Variants in EIF5AL1 observed in about 807,000 individuals in gnomAD.
The protein encoded by EIF5AL1 is eukaryotic translation initiation factor 5A-1-like.
Under a neutral mutation model 9.0 loss-of-function variants are expected in EIF5AL1, and 4 were observed. The observed-to-expected ratio is 0.45, with a 90% confidence interval of 0.22 to 1.02. The LOEUF (loss-of-function observed/expected upper bound fraction) is 1.02, where lower values mean the gene tolerates loss of function less well. Among genes scored for constraint, EIF5AL1 ranks in the 50% least tolerant of loss-of-function variants. The pLI, the probability that EIF5AL1 is intolerant of heterozygous loss-of-function variation, is 0.24. For synonymous variants in EIF5AL1, 40 were observed against 75.7 expected (o/e 0.53, Z 2.45); for missense variants, 58 against 194.1 (o/e 0.30, Z 4.17).
rs1001141439 is a variant in EIF5AL1 at position 79,516,267 on chromosome 10, C to A, written c.*3153C>A. Reference sequence around the variant, plus strand: ...TTAAAAAACTTCCCCCAGTTCACATCAAAAATTCTCTCTTCAGGACTAAGT... The same window carrying A: ...TTAAAAAACTTCCCCCAGTTCACATAAAAAATTCTCTCTTCAGGACTAAGT... On this transcript the variant is annotated 3_prime_UTR_variant, in exon 1 of 1. Transcript: ENST00000520547. 3.6e-5 allele frequency: 6 copies of A among 167,058 alleles called. No individual in the cohort carries two copies. Among genetic ancestry groups the A allele is most frequent in the Non-Finnish European group, 5.9e-5 (4 of 68,112 alleles). The allele number at this position is 167,058 out of a possible 1,614,324, so 10.3% of individuals were successfully genotyped here.
In EIF5AL1 at chr10:79,516,277, C is replaced by G. The variant is rs528302009; in HGVS notation, c.*3163C>G. On this transcript the variant is annotated 3_prime_UTR_variant, in exon 1 of 1. Coordinates refer to ENST00000520547, the MANE Select transcript of EIF5AL1 (RefSeq NM_001099692.2). Reference sequence around the variant, plus strand: ...TCCCCCAGTTCACATCAAAAATTCTCTCTTCAGGACTAAGTTGGGTAGAGA... The same window carrying G: ...TCCCCCAGTTCACATCAAAAATTCTGTCTTCAGGACTAAGTTGGGTAGAGA... The G allele has an allele frequency of 6.0e-6, 1 of 167,216 alleles. No individual in the cohort carries two copies. The highest frequency in any genetic ancestry group is 6.5e-5 in the Admixed American group (1 of 15,310). 10.4% of individuals were successfully genotyped at this position (167,216 alleles called of 1,614,324 possible).
Position 79,513,221 on chromosome 10 carries a change from T to C in EIF5AL1, c.*107T>C. ...GCCTGGTCCTAGGTTGGACTCCTCC[T>C]ACACAATTTATTTGACGTTTTATTT... On this transcript the variant is annotated 3_prime_UTR_variant, in exon 1 of 1. Coordinates refer to ENST00000520547, the MANE Select transcript of EIF5AL1 (RefSeq NM_001099692.2). 1 of 1,426,086 alleles carries C rather than the reference T, an allele frequency of 7.0e-7. No individual in the cohort carries two copies. 88.3% of individuals were successfully genotyped at this position (1,426,086 alleles called of 1,614,324 possible). A position where few individuals can be genotyped will look rare whatever the true frequency, so the allele number is the denominator to read the frequency against.
rs1266440975 is a variant in EIF5AL1, at chr10:79,515,293, T to C, written c.*2179T>C. On this transcript the variant is annotated 3_prime_UTR_variant, in exon 1 of 1. Transcript: ENST00000520547. ...TAGCATACCTTCCTGTCTATGGCTA[T>C]TGGACCTGCAGGCTTTCCCCTGTAA... 16 of 275,228 alleles carry C rather than the reference T, an allele frequency of 5.8e-5. No homozygotes were observed. Among genetic ancestry groups the C allele is most frequent in the Non-Finnish European group, 1.1e-4 (14 of 132,698 alleles). 17.0% of individuals were successfully genotyped at this position (275,228 alleles called of 1,614,324 possible).
Position 79,513,318 on chromosome 10 carries a change from C to A in EIF5AL1, c.*204C>A. 3.0e-6 allele frequency: 2 copies of A among 670,040 alleles called. No homozygotes were observed. Among genetic ancestry groups the A allele is most frequent in the Non-Finnish European group, 5.2e-6 (2 of 385,792 alleles). The allele number at this position is 670,040 out of a possible 1,614,324, so 41.5% of individuals were successfully genotyped here. On this transcript the variant is annotated 3_prime_UTR_variant, in exon 1 of 1. Transcript: ENST00000520547. ...CCTAGCTCCCTTGGCCAGGAGCGAGCGAAGCCATGGCCTTGGTGAAGCTGC... is the reference window on the plus strand; with the variant it reads ...CCTAGCTCCCTTGGCCAGGAGCGAGAGAAGCCATGGCCTTGGTGAAGCTGC...
chr10:79,514,484 C>A lies in EIF5AL1; in HGVS notation c.*1370C>A, dbSNP rs1406198689. ...CACCCTGACTTTTGTAGGGACTGAACCTCACTGATAACCTCAATTGCGGAT... is the reference window on the plus strand; with the variant it reads ...CACCCTGACTTTTGTAGGGACTGAAACTCACTGATAACCTCAATTGCGGAT... On this transcript the variant is annotated 3_prime_UTR_variant, in exon 1 of 1. Transcript: ENST00000520547. 6.0e-6 allele frequency: 1 copy of A among 166,934 alleles called. No individual in the cohort carries two copies. Among genetic ancestry groups the A allele is most frequent in the Non-Finnish European group, 1.5e-5 (1 of 68,112 alleles). 10.3% of individuals were successfully genotyped at this position (166,934 alleles called of 1,614,324 possible). A position where few individuals can be genotyped will look rare whatever the true frequency, so the allele number is the denominator to read the frequency against.
At position 79,514,484 on chromosome 10, in the gene EIF5AL1, C is replaced by T. The variant is rs1406198689; in HGVS notation, c.*1370C>T. 1.2e-5 allele frequency: 2 copies of T among 166,934 alleles called. No individual in the cohort carries two copies. Among genetic ancestry groups the T allele is most frequent in the Non-Finnish European group, 2.9e-5 (2 of 68,112 alleles). The allele number at this position is 166,934 out of a possible 1,614,324, so 10.3% of individuals were successfully genotyped here. ...CACCCTGACTTTTGTAGGGACTGAA[C>T]CTCACTGATAACCTCAATTGCGGAT... On this transcript the variant is annotated 3_prime_UTR_variant, in exon 1 of 1. Coordinates refer to ENST00000520547, the MANE Select transcript of EIF5AL1 (RefSeq NM_001099692.2).
In EIF5AL1 at chr10:79,515,231, G is replaced by A; in HGVS notation, c.*2117G>A. 1 of 383,410 alleles carries A rather than the reference G, an allele frequency of 2.6e-6. No homozygotes were observed. The highest frequency in any genetic ancestry group is 2.1e-5 in the South Asian group (1 of 47,910). 23.8% of individuals were successfully genotyped at this position (383,410 alleles called of 1,614,324 possible). A position where few individuals can be genotyped will look rare whatever the true frequency, so the allele number is the denominator to read the frequency against. ...CAGAAGCTGTTCTTTCCCTTAAAAG[G>A]GCAAACTCATTTCCACACTATGGGG... On this transcript the variant is annotated 3_prime_UTR_variant, in exon 1 of 1. Transcript: ENST00000520547.
At position 79,513,299 on chromosome 10, in the gene EIF5AL1, T is replaced by G; in HGVS notation, c.*185T>G. The G allele has an allele frequency of 2.9e-6, 2 of 691,004 alleles. No homozygotes were observed. The highest frequency in any genetic ancestry group is 1.9e-5 in the South Asian group (1 of 52,876). The allele number at this position is 691,004 out of a possible 1,614,324, so 42.8% of individuals were successfully genotyped here. A position where few individuals can be genotyped will look rare whatever the true frequency, so the allele number is the denominator to read the frequency against. ...AGGGAGCCCCTGCCCTTCACCTAGC[T>G]CCCTTGGCCAGGAGCGAGCGAAGCC... On this transcript the variant is annotated 3_prime_UTR_variant, in exon 1 of 1. Transcript: ENST00000520547.
chr10:79,512,940 G>A lies in EIF5AL1; in HGVS notation c.291G>A (p.Gly97=). 1 of 1,613,926 alleles carries A rather than the reference G, an allele frequency of 6.2e-7. No homozygotes were observed. Among genetic ancestry groups the A allele is most frequent in the Non-Finnish European group, 8.5e-7 (1 of 1,179,920 alleles). ...NDFQLIGIQD[G]YLSLLQDSGE... The stretch of plus-strand genomic sequence containing the variant: ...TCCAGCTGATTGGCATCCAGGATGG[G>A]TACCTATCACTGCTCCAGGACAGCG... Residue 97 remains glycine, a synonymous_variant, in exon 1 of 1, where the codon GGG becomes GGA. Transcript: ENST00000520547.
At position 79,515,247 on chromosome 10, in the gene EIF5AL1, C is replaced by T. The variant is rs533062859; in HGVS notation, c.*2133C>T. On this transcript the variant is annotated 3_prime_UTR_variant, in exon 1 of 1. Transcript: ENST00000520547. ...CCTTAAAAGGGCAAACTCATTTCCA[C>T]ACTATGGGGACTCTGACAGATAGCA... 1.7e-4 allele frequency: 64 copies of T among 367,880 alleles called. 1 individual carries two copies. Among genetic ancestry groups the T allele is most frequent in the South Asian group, 1.4e-3 (63 of 44,694 alleles). The allele number at this position is 367,880 out of a possible 1,614,324, so 22.8% of individuals were successfully genotyped here.
rs1021313536 is a variant in EIF5AL1 at position 79,513,283 on chromosome 10, C to T, written c.*169C>T. On this transcript the variant is annotated 3_prime_UTR_variant, in exon 1 of 1. Transcript: ENST00000520547. ...ACCCCCTCAATCTGTCAGGGAGCCCCTGCCCTTCACCTAGCTCCCTTGGCC... is the reference window on the plus strand; with the variant it reads ...ACCCCCTCAATCTGTCAGGGAGCCCTTGCCCTTCACCTAGCTCCCTTGGCC... 6 of 729,084 alleles carry T rather than the reference C, an allele frequency of 8.2e-6. No individual in the cohort carries two copies. The highest frequency in any genetic ancestry group is 1.4e-5 in the Non-Finnish European group (6 of 433,276). 45.2% of individuals were successfully genotyped at this position (729,084 alleles called of 1,614,324 possible).
At position 79,513,150 on chromosome 10, in the gene EIF5AL1, C is replaced by T. The variant is rs1241089952; in HGVS notation, c.*36C>T. 3 of 1,587,712 alleles carry T rather than the reference C, an allele frequency of 1.9e-6. No individual in the cohort carries two copies. The highest frequency in any genetic ancestry group is 2.2e-5 in the East Asian group (1 of 44,818). ...AGGTGGCAGTGGTGGCAGCAGTGAT[C>T]CTCCGAACCTGCAGAGGCCCCCTCC... On this transcript the variant is annotated 3_prime_UTR_variant, in exon 1 of 1. Coordinates refer to ENST00000520547, the MANE Select transcript of EIF5AL1 (RefSeq NM_001099692.2).
rs1433425399 is a variant in EIF5AL1 at position 79,514,655 on chromosome 10, A to T, written c.*1541A>T. On this transcript the variant is annotated 3_prime_UTR_variant, in exon 1 of 1. Transcript: ENST00000520547. ...GAGTGTCTTACATTTAGCCAAAAAG[A>T]CTAGTCATGTGGCAGGAAAAATACA... is the stretch of plus-strand genomic sequence containing the variant. 1.8e-5 allele frequency: 3 copies of T among 167,140 alleles called. No individual in the cohort carries two copies. The highest frequency in any genetic ancestry group is 1.3e-4 in the Admixed American group (2 of 15,292). 10.4% of individuals were successfully genotyped at this position (167,140 alleles called of 1,614,324 possible). A position where few individuals can be genotyped will look rare whatever the true frequency, so the allele number is the denominator to read the frequency against.
rs1471909808 is a variant in EIF5AL1 at position 79,513,979 on chromosome 10, A to G, written c.*865A>G. On this transcript the variant is annotated 3_prime_UTR_variant, in exon 1 of 1. Coordinates refer to ENST00000520547, the MANE Select transcript of EIF5AL1 (RefSeq NM_001099692.2). The stretch of plus-strand genomic sequence containing the variant: ...CCTAAAGGAGTTCACAGTTTAACGC[A>G]AATGAGAAGCCAGTGAGGACATCAC... 1.2e-5 allele frequency: 2 copies of G among 167,020 alleles called. No homozygotes were observed. The highest frequency in any genetic ancestry group is 4.8e-5 in the African/African-American group (2 of 41,440). 10.3% of individuals were successfully genotyped at this position (167,020 alleles called of 1,614,324 possible). A position where few individuals can be genotyped will look rare whatever the true frequency, so the allele number is the denominator to read the frequency against.
rs1274618375 is a variant in EIF5AL1 at position 79,513,896 on chromosome 10, A to G, written c.*782A>G. ...GCACACGCTGTCTGGAGTGGCCTGA[A>G]GCAAGGAGTGTCTTGTGAGGTGCAG... On this transcript the variant is annotated 3_prime_UTR_variant, in exon 1 of 1. Coordinates refer to ENST00000520547, the MANE Select transcript of EIF5AL1 (RefSeq NM_001099692.2). 1 of 167,274 alleles carries G rather than the reference A, an allele frequency of 6.0e-6. No individual in the cohort carries two copies. Among genetic ancestry groups the G allele is most frequent in the Admixed American group, 6.5e-5 (1 of 15,282 alleles). 10.4% of individuals were successfully genotyped at this position (167,274 alleles called of 1,614,324 possible).
At position 79,512,544 on chromosome 10, in the gene EIF5AL1, C is replaced by A. The variant is rs907178398; in HGVS notation, c.-106C>A. ...GTGTAAAATGCCTGGGTAGAGGCGGCGGCGGCGGCGGCGGCGGCGGGCTCG... is the reference window on the plus strand; with the variant it reads ...GTGTAAAATGCCTGGGTAGAGGCGGAGGCGGCGGCGGCGGCGGCGGGCTCG... On this transcript the variant is annotated 5_prime_UTR_variant, in exon 1 of 1. Transcript: ENST00000520547. The A allele has an allele frequency of 2.9e-6, 3 of 1,019,678 alleles. No homozygotes were observed. Among genetic ancestry groups the A allele is most frequent in the Non-Finnish European group, 4.3e-6 (3 of 703,242 alleles). The allele number at this position is 1,019,678 out of a possible 1,614,324, so 63.2% of individuals were successfully genotyped here.
At position 79,515,294 on chromosome 10, in the gene EIF5AL1, T is replaced by C. The variant is rs368969017; in HGVS notation, c.*2180T>C. On this transcript the variant is annotated 3_prime_UTR_variant, in exon 1 of 1. Transcript: ENST00000520547. ...AGCATACCTTCCTGTCTATGGCTAT[T>C]GGACCTGCAGGCTTTCCCCTGTAAA... is the stretch of plus-strand genomic sequence containing the variant. 3.7e-6 allele frequency: 1 copy of C among 272,378 alleles called. No individual in the cohort carries two copies. The highest frequency in any genetic ancestry group is 2.3e-5 in the African/African-American group (1 of 42,706). 16.9% of individuals were successfully genotyped at this position (272,378 alleles called of 1,614,324 possible). A position where few individuals can be genotyped will look rare whatever the true frequency, so the allele number is the denominator to read the frequency against.
In EIF5AL1 at chr10:79,514,625, T is replaced by C. The variant is rs549718884; in HGVS notation, c.*1511T>C. On this transcript the variant is annotated 3_prime_UTR_variant, in exon 1 of 1. Transcript: ENST00000520547. ...GGCCTCAATTCATTGCTAAATATTT[T>C]TAACGAGTGTCTTACATTTAGCCAA... is the stretch of plus-strand genomic sequence containing the variant. The C allele has an allele frequency of 1.0e-4, 17 of 167,168 alleles. No homozygotes were observed. Among genetic ancestry groups the C allele is most frequent in the African/African-American group, 3.4e-4 (14 of 41,472 alleles). The allele number at this position is 167,168 out of a possible 1,614,324, so 10.4% of individuals were successfully genotyped here.
At position 79,515,366 on chromosome 10, in the gene EIF5AL1, A is replaced by G. The variant is rs1305360492; in HGVS notation, c.*2252A>G. On this transcript the variant is annotated 3_prime_UTR_variant, in exon 1 of 1. Transcript: ENST00000520547. ...TTTGTGACTGTAAGACAGACTTGAGATAAGACATCTAGAAAACAATAATTG... is the reference window on the plus strand; with the variant it reads ...TTTGTGACTGTAAGACAGACTTGAGGTAAGACATCTAGAAAACAATAATTG... The G allele has an allele frequency of 5.4e-6, 1 of 186,164 alleles. No homozygotes were observed. Among genetic ancestry groups the G allele is most frequent in the Non-Finnish European group, 1.3e-5 (1 of 79,328 alleles). The allele number at this position is 186,164 out of a possible 1,614,324, so 11.5% of individuals were successfully genotyped here.
Sources: allele counts gnomAD v4.1 joint callset, GRCh38; gene constraint gnomAD v4.1.1; transcripts MANE v1.5; gene names NCBI Gene and HGNC (gene_info 2026-07-23, HGNC 2026-07-21).